LARGE1: variants seen among roughly 807,000 people sequenced by gnomAD.
LARGE1 encodes xylosyl- and glucuronyltransferase LARGE1.
A neutral mutation model predicts 87.6 loss-of-function variants in LARGE1; 43 were observed. The ratio of observed to expected loss-of-function variants is 0.49; its 90% CI spans 0.38 to 0.63. LARGE1 has a LOEUF of 0.63. Ranked by LOEUF, LARGE1 falls within the 30% of genes least tolerant of loss-of-function variation. LARGE1 has a pLI of 0.00. For synonymous variants in LARGE1, 434 were observed against 394.6 expected, an observed-to-expected ratio of 1.10 and a Z score of -1.18; for missense variants, 802 against 1,000.2, an observed-to-expected ratio of 0.80 and a Z score of 2.67.
intron 3 of LARGE1, among the ~76,000 whole-genome samples, chr22:33,649,709 C>T (rs1341168477): frequency 2.0e-5 from 3 of 152,186 alleles, no homozygotes; most frequent in Non-Finnish European, 2.9e-5. Context: ...TAATTCATCT[C>T]CACCATGAGA....
chr22:33,753,905 C>CA (rs530453498), intron 2 of LARGE1, among the ~76,000 whole-genome samples: 49 of 151,248 alleles, frequency 3.2e-4, no homozygotes, highest in Non-Finnish European at 5.7e-4. Context: ...ACTAAAAAAA[C>CA]AAAAAAAATA....
intron 11 of LARGE1, among the ~76,000 whole-genome samples, chr22:33,311,183 A>G (rs185389158): frequency 0.012 from 1,899 of 152,132 alleles, 16 homozygotes; most frequent in South Asian, 0.036. Context: ...GATGGTCTCC[A>G]TCTCCTGACC....
In LARGE1 at chr22:33,273,804, C is replaced by T. The variant is rs1928612578; in HGVS notation, c.*623G>A. On this transcript the variant is annotated 3_prime_UTR_variant, in exon 15 of 15. Transcript: ENST00000397394. ...GCCAGCCCCAAAAATAAACAAAACC[C>T]CCAAAGAAAAACAAAACAAAACAGG... is the stretch of plus-strand genomic sequence containing the variant. The T allele has an allele frequency of 2.5e-6, 1 of 395,862 alleles. No homozygotes were observed. Among genetic ancestry groups the T allele is most frequent in the South Asian group, 1.4e-4 (1 of 7,044 alleles). 24.5% of individuals were successfully genotyped at this position (395,862 alleles called of 1,614,324 possible). A position where few individuals can be genotyped will look rare whatever the true frequency, so the allele number is the denominator to read the frequency against.
chr22:33,606,597 C>T (rs1401156040), intron 4 of LARGE1, among the ~76,000 whole-genome samples: 1 of 152,002 alleles, frequency 6.6e-6, no homozygotes, highest in Non-Finnish European at 1.5e-5. Flanking sequence ...ACCCCGTGCT[C>T]TCTCTCCACC....
intron 7 of LARGE1, among the ~76,000 whole-genome samples, chr22:33,407,845 G>C (rs2066156270): frequency 6.6e-6 from 1 of 152,154 alleles, no homozygotes; most frequent in East Asian, 1.9e-4. Flanking sequence ...CAGCCTCAAA[G>C]CAGCTGTCAA....
chr22:33,650,994 G>A (rs1297436390), intron 2 of LARGE1, among the ~76,000 whole-genome samples: 1 of 151,708 alleles, frequency 6.6e-6, no homozygotes, highest in African/African-American at 2.4e-5. Flanking sequence ...AAAGAATTAT[G>A]AATACAAAGT....
intron 13 of LARGE1, among the ~76,000 whole-genome samples, chr22:33,279,357 C>G (rs1261126392): frequency 6.6e-6 from 1 of 152,216 alleles, no homozygotes; most frequent in Non-Finnish European, 1.5e-5. Flanking sequence ...TGGGTTCCAT[C>G]TCATCCTGTG....
the LARGE1 span, among the ~76,000 whole-genome samples, chr22:33,128,817 C>T: frequency 6.6e-6 from 1 of 152,142 alleles, no homozygotes; most frequent in East Asian, 1.9e-4. Context: ...GAGGTGAAAG[C>T]CATTAACCTC....
chr22:33,587,312 G>A lies in LARGE1; in HGVS notation c.615+17123C>T, dbSNP rs758750906. Among the ~76,000 whole-genome samples, 96 of 152,232 alleles carry A rather than the reference G, an allele frequency of 6.3e-4. 1 individual carries two copies. Among genetic ancestry groups the A allele is most frequent in the Admixed American group, 4.4e-3 (68 of 15,298 alleles). ...AAAGAATTTCTGCCTCACAGAACCT[G>A]TATATAATTTTTAAGAATCTTGATA... On this transcript the variant is annotated intron_variant, in intron 5 of 14. Coordinates refer to ENST00000397394, the MANE Select transcript of LARGE1 (RefSeq NM_133642.5).
At chr22:33,761,658 C>A in intron 1 of LARGE1, 100 bp from the exon 2 acceptor site, 3 of 636,976 alleles carry the variant, frequency 4.7e-6, no homozygotes, top group Non-Finnish European at 8.5e-6. Flanking sequence ...AGGGGTTCAA[C>A]TGATCTAGGC....
chr22:33,773,406 C>T (rs953841263), intron 1 of LARGE1, among the ~76,000 whole-genome samples: 6 of 152,218 alleles, frequency 3.9e-5, no homozygotes, highest in African/African-American at 1.2e-4. Flanking sequence ...GATCCTGCTG[C>T]GAAGTCAAAT....
intron 1 of LARGE1, among the ~76,000 whole-genome samples, chr22:33,787,462 T>A (rs974550792): frequency 6.6e-6 from 1 of 152,200 alleles, no homozygotes; most frequent in African/African-American, 2.4e-5. Context: ...ACACCTGATA[T>A]AAAATAATAT....
At chr22:33,235,211 G>A (rs1926193635) in intron 11 of LARGE1, among the ~76,000 whole-genome samples, 2 of 152,166 alleles carry the variant, frequency 1.3e-5, no homozygotes, top group African/African-American at 2.4e-5. Context: ...CCTGCATGCA[G>A]GTTAAATTTT....
At chr22:33,304,610 C>A in intron 11 of LARGE1, 103 bp from the exon 12 acceptor site, 1 of 1,236,152 alleles carries the variant, frequency 8.1e-7, no homozygotes, top group South Asian at 1.5e-5. Context: ...GATCAACCAG[C>A]TGTGGATCAA....
In LARGE1 at chr22:33,304,216, T is replaced by TG. The variant is rs760234427; in HGVS notation, c.1730+12dup. ...CCTTCTGGCCTGATGGCCAGGCCCC[T>TG]GCAGGTCCTTACCTGAGGTACTCAT... is the stretch of plus-strand genomic sequence containing the variant. On this transcript the variant is annotated intron_variant, in intron 12 of 14. Coordinates refer to ENST00000397394, the MANE Select transcript of LARGE1 (RefSeq NM_133642.5). The TG allele has an allele frequency of 6.2e-7, 1 of 1,613,996 alleles. No individual in the cohort carries two copies. Among genetic ancestry groups the TG allele is most frequent in the Non-Finnish European group, 8.5e-7 (1 of 1,180,030 alleles).
intron 6 of LARGE1, among the ~76,000 whole-genome samples, chr22:33,446,594 C>A (rs566250422): frequency 4.6e-5 from 7 of 152,268 alleles, no homozygotes; most frequent in Non-Finnish European, 1.0e-4. Context: ...GGAAAAAACA[C>A]CTCTGCAGGG....
chr22:33,079,724 A>G, the LARGE1 span, among the ~76,000 whole-genome samples: 1 of 152,192 alleles, frequency 6.6e-6, no homozygotes, highest in African/African-American at 2.4e-5. Context: ...GGTTGGCAAT[A>G]AATGAGTTGT....
chr22:33,145,348 TG>T, the LARGE1 span, among the ~76,000 whole-genome samples: 1 of 152,198 alleles, frequency 6.6e-6, no homozygotes, highest in Admixed American at 6.5e-5. Flanking sequence ...CAGGAAGCTC[TG>T]TACAACCATC....
At chr22:33,613,747 G>A (rs1402981488) in intron 4 of LARGE1, among the ~76,000 whole-genome samples, 2 of 152,134 alleles carry the variant, frequency 1.3e-5, no homozygotes, top group Non-Finnish European at 2.9e-5. Flanking sequence ...ACAGAGACTG[G>A]GTCTTGCATT....
Sources: gnomAD v4.1 joint callset for allele counts (sites outside exome capture counted in the v4.1 genomes callset) on GRCh38, gnomAD v4.1.1 for gene constraint, MANE v1.5 for transcripts, NCBI Gene and HGNC (gene_info 2026-07-23, HGNC 2026-07-21) for gene names.